The following PSAT1 variants were observed in gnomAD, a reference collection of about 807,000 sequenced individuals.
The protein encoded by PSAT1 is phosphoserine aminotransferase 1.
A neutral mutation model predicts 40.3 loss-of-function variants in PSAT1; 41 were observed. The observed-to-expected ratio is 1.02, with a 90% confidence interval of 0.79 to 1.32. The LOEUF (loss-of-function observed/expected upper bound fraction) is 1.32, where lower values mean the gene tolerates loss of function less well. PSAT1 is among the 40% of genes most tolerant of loss of function. PSAT1 has a pLI of 0.00. For missense variants in PSAT1, 406 were observed against 455.8 expected (o/e 0.89, Z 0.99); for synonymous variants, 147 against 170.5 (o/e 0.86, Z 1.07).
chr9:78,311,456 G>A (rs747087898), intron 6 of PSAT1, among the ~76,000 whole-genome samples: 4 of 151,874 alleles, frequency 2.6e-5, no homozygotes, highest in Non-Finnish European at 2.9e-5. Context: ...AGCAAGTTGC[G>A]ATCAGGGTAC....
At chr9:78,311,124 C>T (rs1310074480) in intron 6 of PSAT1, among the ~76,000 whole-genome samples, 2 of 152,104 alleles carry the variant, frequency 1.3e-5, no homozygotes, top group African/African-American at 4.8e-5. Flanking sequence ...TCTTACCTCC[C>T]ACTCGCCTGT....
intron 3 of PSAT1, among the ~76,000 whole-genome samples, chr9:78,304,440 G>A (rs1828151228): frequency 6.6e-6 from 1 of 152,226 alleles, no homozygotes; most frequent in Non-Finnish European, 1.5e-5. Flanking sequence ...CATGTCGACT[G>A]AGAGTGGCAG....
intron 1 of PSAT1, among the ~76,000 whole-genome samples, chr9:78,297,557 G>A (rs1042050701): frequency 6.6e-6 from 1 of 152,156 alleles, no homozygotes; most frequent in Admixed American, 6.5e-5. Flanking sequence ...CTGTCCCGCC[G>A]GTGCCACGCA....
At chr9:78,300,191 A>G (rs1828087284) in intron 1 of PSAT1, among the ~76,000 whole-genome samples, 2 of 152,134 alleles carry the variant, frequency 1.3e-5, no homozygotes, top group South Asian at 4.1e-4. Flanking sequence ...CCAGTCTAGC[A>G]CCTTAGACCA....
At chr9:78,321,559 C>G (rs1031155385) in intron 7 of PSAT1, among the ~76,000 whole-genome samples, 1 of 152,178 alleles carries the variant, frequency 6.6e-6, no homozygotes, top group Non-Finnish European at 1.5e-5. Flanking sequence ...TCCATGCCCC[C>G]TGACTCGTAA....
At position 78,302,618 on chromosome 9, in the gene PSAT1, C is replaced by T. The variant is rs376389926; in HGVS notation, c.191+595C>T. 5.7e-4 allele frequency among the ~76,000 whole-genome samples: 86 copies of T among 151,704 alleles called. No individual in the cohort carries two copies. In the South Asian group the frequency reaches 0.017, roughly 29 times the overall value. ...GCATGGTGGCGCATACCTGTATTCC[C>T]AGCTATTCGGGAGGCTGAGGCAGGA... is the stretch of plus-strand genomic sequence containing the variant. On this transcript the variant is annotated intron_variant, in intron 3 of 8. Transcript: ENST00000376588.
At chr9:78,300,393 T>C (rs552664426) in intron 1 of PSAT1, among the ~76,000 whole-genome samples, 109 of 152,294 alleles carry the variant, frequency 7.2e-4, no homozygotes, top group Middle Eastern at 3.4e-3. Flanking sequence ...ATCAGTCACA[T>C]TGCCTAATTT....
intron 6 of PSAT1, among the ~76,000 whole-genome samples, chr9:78,316,138 C>A (rs1441361139): frequency 6.6e-6 from 1 of 152,204 alleles, no homozygotes; most frequent in Non-Finnish European, 1.5e-5. Context: ...TGCACCGCTC[C>A]TCAGTGTTTC....
intron 7 of PSAT1, 37 bp downstream of exon 7, chr9:78,317,841 G>A: frequency 6.2e-7 from 1 of 1,604,514 alleles, no homozygotes; most frequent in Non-Finnish European, 8.5e-7. Context: ...TTTGCCTCTT[G>A]TGAATTTAAA....
chr9:78,320,337 T>TCC (rs1564018504), intron 7 of PSAT1, among the ~76,000 whole-genome samples: 1 of 37,348 alleles, frequency 2.7e-5, no homozygotes, highest in South Asian at 8.2e-4. Flanking sequence ...TCCATCCATC[T>TCC]ATCCATCCAT....
intron 6 of PSAT1, among the ~76,000 whole-genome samples, chr9:78,310,930 G>A (rs1226086739): frequency 1.3e-5 from 2 of 152,096 alleles, no homozygotes; most frequent in East Asian, 3.9e-4. Context: ...GAATTCTGGT[G>A]AAAATTCTGC....
chr9:78,308,623 C>A, intron 6 of PSAT1, 40 bp downstream of exon 6: 3 of 1,608,140 alleles, frequency 1.9e-6, no homozygotes, highest in Non-Finnish European at 2.6e-6. Context: ...AGGGAGGGGT[C>A]TCACTATTTT....
At chr9:78,315,327 C>G (rs10867182) in intron 6 of PSAT1, among the ~76,000 whole-genome samples, 43,563 of 152,100 alleles carry the variant, frequency 0.29, 6,370 homozygotes, top group East Asian at 0.41. Flanking sequence ...GCAAAGTTAA[C>G]CTCTCTGAGC....
chr9:78,321,083 A>G (rs1357453675), intron 7 of PSAT1, among the ~76,000 whole-genome samples: 1 of 152,164 alleles, frequency 6.6e-6, no homozygotes, highest in Non-Finnish European at 1.5e-5. Context: ...CAGCCTGCCA[A>G]ACTAATGTGG....
At chr9:78,303,564 G>C (rs991862248) in intron 3 of PSAT1, among the ~76,000 whole-genome samples, 1 of 152,104 alleles carries the variant, frequency 6.6e-6, no homozygotes, top group Non-Finnish European at 1.5e-5. Context: ...TCTTGGCCTT[G>C]TTAACTGCCC....
At chr9:78,310,010 A>G (rs1006754748) in intron 6 of PSAT1, among the ~76,000 whole-genome samples, 3 of 152,208 alleles carry the variant, frequency 2.0e-5, no homozygotes, top group Non-Finnish European at 4.4e-5. Flanking sequence ...TAAATTTTGC[A>G]CTGAGTACCT....
intron 5 of PSAT1, among the ~76,000 whole-genome samples, chr9:78,307,541 C>T (rs546228393): frequency 3.5e-4 from 54 of 152,306 alleles, no homozygotes; most frequent in African/African-American, 1.2e-3. Flanking sequence ...TTCCTGCCAA[C>T]GCTCAATTTT....
chr9:78,322,330 C>T (rs1449419120), intron 7 of PSAT1, among the ~76,000 whole-genome samples: 1 of 152,044 alleles, frequency 6.6e-6, no homozygotes, highest in Admixed American at 6.6e-5. Context: ...CATGTGAATG[C>T]ATTTTGTTGT....
At position 78,315,196 on chromosome 9, in the gene PSAT1, G is replaced by C. The variant is rs1442307072; in HGVS notation, c.741-2480G>C. Among the ~76,000 whole-genome samples, 3 of 152,292 alleles carry C rather than the reference G, an allele frequency of 2.0e-5. No individual in the cohort carries two copies. The East Asian group carries it at 5.8e-4, about 29-fold the overall frequency. ...CCACTCGCAGGGGAGCTAGTGGCTG[G>C]AGCCCTGCAGCCCCTGGCAAAGCAG... On this transcript the variant is annotated intron_variant, in intron 6 of 8. Coordinates refer to ENST00000376588, the MANE Select transcript of PSAT1 (RefSeq NM_058179.4).
Sources: gnomAD v4.1 joint callset for allele counts (sites outside exome capture counted in the v4.1 genomes callset) on GRCh38, gnomAD v4.1.1 for gene constraint, MANE v1.5 for transcripts, NCBI Gene and HGNC (gene_info 2026-07-23, HGNC 2026-07-21) for gene names.